The following EPHA6 variants were observed in gnomAD, a reference collection of about 807,000 sequenced individuals.
EPHA6 encodes EPH receptor A6, also known as ephrin type-A receptor 6.
Under a neutral mutation model 112.0 loss-of-function variants are expected in EPHA6, and 50 were observed. That is an observed-to-expected ratio of 0.45 (90% CI 0.36 to 0.56). The LOEUF (loss-of-function observed/expected upper bound fraction) is 0.56, where lower values mean the gene tolerates loss of function less well. Among genes scored for constraint, EPHA6 ranks in the 20% least tolerant of loss-of-function variants. EPHA6 has a pLI of 0.00. For missense variants in EPHA6, 1,280 were observed against 1,417.4 expected (o/e 0.90, Z 1.56); for synonymous variants, 529 against 490.7 (o/e 1.08, Z -1.03).
intron 5 of EPHA6, among the ~76,000 whole-genome samples, chr3:97,296,401 G>C (rs1038821586): frequency 2.0e-5 from 3 of 152,152 alleles, no homozygotes; most frequent in South Asian, 2.1e-4. Flanking sequence ...CTGGTGATGC[G>C]GATGGGTACA....
Position 97,502,029 on chromosome 3 carries a change from G to A in EPHA6, c.2200+17970G>A, listed in dbSNP as rs138779686. 1.7e-3 allele frequency among the ~76,000 whole-genome samples: 255 copies of A among 151,942 alleles called. 1 individual carries two copies. The highest frequency in any genetic ancestry group is 5.9e-3 in the African/African-American group (245 of 41,354). On this transcript the variant is annotated intron_variant, in intron 10 of 17. Transcript: ENST00000389672. ...ACAAGACAAGATGATGGATCCTCAC[G>A]ACATTACCCCCTATACCCAGGGCTT...
intron 11 of EPHA6, among the ~76,000 whole-genome samples, chr3:97,556,821 T>G (rs576578354): frequency 6.6e-6 from 1 of 152,166 alleles, no homozygotes; most frequent in Non-Finnish European, 1.5e-5. Context: ...AGTGGAAGTT[T>G]ATGGTGTGTG....
At chr3:97,336,021 A>G (rs1408754227) in intron 5 of EPHA6, among the ~76,000 whole-genome samples, 1 of 152,150 alleles carries the variant, frequency 6.6e-6, no homozygotes, top group Non-Finnish European at 1.5e-5. Context: ...TCTGCAAAAT[A>G]TCTCAAGCAC....
chr3:97,526,451 A>G (rs1169570289), intron 10 of EPHA6, among the ~76,000 whole-genome samples: 1 of 146,492 alleles, frequency 6.8e-6, no homozygotes, highest in Non-Finnish European at 1.5e-5. Flanking sequence ...TCTGCTGTGG[A>G]ACTGATGTTG....
intron 7 of EPHA6, among the ~76,000 whole-genome samples, chr3:97,458,764 A>C (rs532268998): frequency 6.6e-6 from 1 of 152,252 alleles, no homozygotes; most frequent in South Asian, 2.1e-4. Context: ...GCTTGAGAGG[A>C]AGCAGTAAAA....
At chr3:97,660,616 G>C (rs528421493) in intron 14 of EPHA6, among the ~76,000 whole-genome samples, 1 of 152,158 alleles carries the variant, frequency 6.6e-6, no homozygotes, top group South Asian at 2.1e-4. Flanking sequence ...CTGTGAGCTC[G>C]CTTGATTTGC....
chr3:96,840,888 T>C (rs1681372106), intron 1 of EPHA6, among the ~76,000 whole-genome samples: 1 of 152,090 alleles, frequency 6.6e-6, no homozygotes, highest in Admixed American at 6.6e-5. Flanking sequence ...TTTTAAAGTT[T>C]CAAGGGAACC....
At chr3:97,219,229 C>T (rs1036024319) in intron 3 of EPHA6, among the ~76,000 whole-genome samples, 1 of 152,028 alleles carries the variant, frequency 6.6e-6, no homozygotes, top group Admixed American at 6.6e-5. Context: ...GATGGTGGCC[C>T]TCTTCTCATA....
At chr3:97,008,624 C>A (rs538906105) in intron 3 of EPHA6, among the ~76,000 whole-genome samples, 3 of 152,288 alleles carry the variant, frequency 2.0e-5, no homozygotes, top group African/African-American at 7.2e-5. Context: ...ATTTATCCAT[C>A]TTATCCTCCA....
chr3:97,684,791 T>A (rs2032124857), intron 14 of EPHA6, among the ~76,000 whole-genome samples: 1 of 152,146 alleles, frequency 6.6e-6, no homozygotes, highest in South Asian at 2.1e-4. Flanking sequence ...CTGTACAAAA[T>A]TCTTTCAATC....
At chr3:96,888,255 C>T (rs1299064172) in intron 2 of EPHA6, among the ~76,000 whole-genome samples, 1 of 152,188 alleles carries the variant, frequency 6.6e-6, no homozygotes, top group Non-Finnish European at 1.5e-5. Context: ...CTCACAGGGC[C>T]TTTCTACTGC....
chr3:97,581,528 A>T (rs2093437710), intron 11 of EPHA6, among the ~76,000 whole-genome samples: 1 of 152,268 alleles, frequency 6.6e-6, no homozygotes, highest in Non-Finnish European at 1.5e-5. Context: ...ACTGCAAGTT[A>T]AAAATGTGAT....
chr3:97,399,024 G>A (rs2086841215), intron 5 of EPHA6, among the ~76,000 whole-genome samples: 1 of 151,406 alleles, frequency 6.6e-6, no homozygotes, highest in Non-Finnish European at 1.5e-5. Context: ...GTCACCTACA[G>A]TGCTGTAGAA....
intron 12 of EPHA6, among the ~76,000 whole-genome samples, chr3:97,609,204 T>C (rs929897183): frequency 1.3e-5 from 2 of 151,304 alleles, no homozygotes; most frequent in African/African-American, 4.8e-5. Context: ...AACCCAACTT[T>C]TCCCATTAAC....
At chr3:96,888,682 G>A (rs1396826242) in intron 2 of EPHA6, among the ~76,000 whole-genome samples, 1 of 152,206 alleles carries the variant, frequency 6.6e-6, no homozygotes, top group East Asian at 1.9e-4. Flanking sequence ...GCCTGGCCCA[G>A]GAAACCACTT....
intron 3 of EPHA6, among the ~76,000 whole-genome samples, chr3:97,100,070 CT>C: frequency 6.6e-6 from 1 of 151,918 alleles, no homozygotes; most frequent in East Asian, 1.9e-4. Context: ...TATTTGGGTA[CT>C]ATTGTATTGG....
intron 12 of EPHA6, among the ~76,000 whole-genome samples, chr3:97,609,281 C>T (rs778144098): frequency 8.6e-5 from 13 of 151,102 alleles, no homozygotes; most frequent in South Asian, 2.1e-4. Context: ...AGTACAAAAA[C>T]GACCTTTTAT....
intron 11 of EPHA6, among the ~76,000 whole-genome samples, chr3:97,557,591 T>C (rs1483345893): frequency 1.3e-5 from 2 of 151,968 alleles, no homozygotes; most frequent in African/African-American, 4.8e-5. Flanking sequence ...CAGCTTGCCA[T>C]GTATCCCTGA....
rs1410335439 is a variant in EPHA6, at chr3:97,629,797, C to A, written c.2575-8076C>A. The stretch of plus-strand genomic sequence containing the variant: ...ACTTCACCAGATACATATGCAGACA[C>A]ACACAGATATGGTCTGCAAAAACTT... On this transcript the variant is annotated intron_variant, in intron 13 of 17. Coordinates refer to ENST00000389672, the MANE Select transcript of EPHA6 (RefSeq NM_001080448.3). Among the ~76,000 whole-genome samples the A allele has an allele frequency of 2.6e-5, 4 of 152,104 alleles. No individual in the cohort carries two copies. The East Asian group carries it at 7.8e-4, about 30-fold the overall frequency.
Sources: gnomAD v4.1 joint callset for allele counts (sites outside exome capture counted in the v4.1 genomes callset) on GRCh38, gnomAD v4.1.1 for gene constraint, MANE v1.5 for transcripts, NCBI Gene and HGNC (gene_info 2026-07-23, HGNC 2026-07-21) for gene names.